SRPK2: variants seen among roughly 807,000 people sequenced by gnomAD.
SRPK2 encodes the protein SRSF protein kinase 2.
SRPK2 carries 21 observed loss-of-function variants against 90.8 expected under a neutral mutation model. The ratio of observed to expected loss-of-function variants is 0.23; its 90% CI spans 0.16 to 0.33. The LOEUF is 0.33. Ranked by LOEUF, SRPK2 falls within the 10% of genes least tolerant of loss-of-function variation. The probability of loss-of-function intolerance (pLI) is 1.00; values close to 1 mark genes in which losing one functional copy is unlikely to be tolerated. For synonymous variants in SRPK2, 288 were observed against 311.1 expected (o/e 0.93, Z 0.78); for missense variants, 620 against 869.0 (o/e 0.71, Z 3.60).
At chr7:105,320,552 T>C (rs1259238434) in intron 2 of SRPK2, among the ~76,000 whole-genome samples, 1 of 152,176 alleles carries the variant, frequency 6.6e-6, no homozygotes, top group African/African-American at 2.4e-5. Context: ...TAAATACATC[T>C]TGTAAGGCGA....
At chr7:105,381,487 A>C (rs1820948209) in intron 2 of SRPK2, among the ~76,000 whole-genome samples, 1 of 152,028 alleles carries the variant, frequency 6.6e-6, no homozygotes, top group Non-Finnish European at 1.5e-5. Flanking sequence ...AAACAAAACA[A>C]AACAAAAACA....
chr7:105,342,306 A>C (rs547399190), intron 2 of SRPK2, among the ~76,000 whole-genome samples: 27 of 151,402 alleles, frequency 1.8e-4, no homozygotes, highest in Non-Finnish European at 3.7e-4. Flanking sequence ...CCTGGGCGAC[A>C]AGAGCAAAAC....
intron 3 of SRPK2, among the ~76,000 whole-genome samples, chr7:105,178,806 C>A (rs1299741432): frequency 6.6e-6 from 1 of 151,816 alleles, no homozygotes; most frequent in African/African-American, 2.4e-5. Flanking sequence ...AAGGCCCTCT[C>A]TCAAAACAAA....
At chr7:105,142,607 A>G in intron 10 of SRPK2, 117 bp from the exon 11 acceptor site, 1 of 1,381,970 alleles carries the variant, frequency 7.2e-7, no homozygotes, top group Non-Finnish European at 9.6e-7. Context: ...CCACCTGGTA[A>G]ACACCTCTTG....
intron 7 of SRPK2, among the ~76,000 whole-genome samples, chr7:105,148,574 A>T (rs1233621515): frequency 6.6e-6 from 1 of 152,244 alleles, no homozygotes; most frequent in Non-Finnish European, 1.5e-5. Context: ...GACCATTCAA[A>T]CAATGAATTG....
chr7:105,116,735 T>C lies in SRPK2; in HGVS notation c.*1103A>G, dbSNP rs1164909677. 6.6e-6 allele frequency: 1 copy of C among 152,572 alleles called. No individual in the cohort carries two copies. Among genetic ancestry groups the C allele is most frequent in the African/African-American group, 2.4e-5 (1 of 41,444 alleles). The allele number at this position is 152,572 out of a possible 1,614,324, so 9.5% of individuals were successfully genotyped here. The stretch of plus-strand genomic sequence containing the variant: ...AAATCATTTTCTCAACTTCGTTTCA[T>C]GGAAAGACAATGAAAAAGCTAGTAA... On this transcript the variant is annotated 3_prime_UTR_variant, in exon 16 of 16. Transcript: ENST00000393651.
intron 2 of SRPK2, among the ~76,000 whole-genome samples, chr7:105,283,391 T>C (rs1233381085): frequency 1.3e-5 from 2 of 152,236 alleles, no homozygotes; most frequent in African/African-American, 4.8e-5. Context: ...TGGGAACTCA[T>C]ATGTCCATCA....
Position 105,168,107 on chromosome 7 carries a change from A to C in SRPK2, c.339-12T>G. 1 of 1,597,764 alleles carries C rather than the reference A, an allele frequency of 6.3e-7. No homozygotes were observed. The highest frequency in any genetic ancestry group is 8.6e-7 in the Non-Finnish European group (1 of 1,169,330). On this transcript the variant is annotated splice_polypyrimidine_tract_variant and intron_variant, in intron 4 of 15. Coordinates refer to ENST00000393651, the MANE Select transcript of SRPK2 (RefSeq NM_182692.3). Reference sequence around the variant, plus strand: ...CAAATCTTTTCCCCCTAAAAGAAAAAACAAAAAAAGAGTCTATTTATCTAT... The same window carrying C: ...CAAATCTTTTCCCCCTAAAAGAAAACACAAAAAAAGAGTCTATTTATCTAT...
At chr7:105,140,904 T>C (rs1370743135) in intron 11 of SRPK2, among the ~76,000 whole-genome samples, 2 of 151,784 alleles carry the variant, frequency 1.3e-5, no homozygotes, top group Non-Finnish European at 2.9e-5. Context: ...GAGGTTGCAG[T>C]GAGCCGAGAT....
intron 7 of SRPK2, among the ~76,000 whole-genome samples, chr7:105,152,903 G>T (rs1048997354): frequency 2.0e-5 from 3 of 152,082 alleles, no homozygotes; most frequent in African/African-American, 7.2e-5. Context: ...GTGTGGTGGT[G>T]CATGCCTGTA....
chr7:105,344,951 C>G (rs186363325), intron 2 of SRPK2, among the ~76,000 whole-genome samples: 1 of 151,798 alleles, frequency 6.6e-6, no homozygotes, highest in African/African-American at 2.4e-5. Context: ...GCCTGGCCAA[C>G]ATGGTGAAAC....
rs550997501 is a variant in SRPK2, at chr7:105,172,781, A to G, written c.230-3516T>C. Among the ~76,000 whole-genome samples the G allele has an allele frequency of 1.4e-4, 21 of 152,320 alleles. 1 individual carries two copies. The South Asian group carries it at 4.4e-3, about 32-fold the overall frequency. On this transcript the variant is annotated intron_variant, in intron 3 of 15. Coordinates refer to ENST00000393651, the MANE Select transcript of SRPK2 (RefSeq NM_182692.3). ...GCTTCCTGGTCTTAGTACACAGAAA[A>G]CATGGGATGTCTTAATTAAAATCTA...
rs773439211 is a variant in SRPK2, at chr7:105,160,638, G to A, written c.515-25C>T. ...TCTGGGACACAGTTAAGGATCGTTT[G>A]TGGATGCACTGCCTGGAGTGAGGCA... On this transcript the variant is annotated intron_variant, in intron 6 of 15. Transcript: ENST00000393651. 9 of 1,412,118 alleles carry A rather than the reference G, an allele frequency of 6.4e-6. No homozygotes were observed. The Admixed American group carries it at 1.0e-4, about 16-fold the overall frequency. 87.5% of individuals were successfully genotyped at this position (1,412,118 alleles called of 1,614,324 possible). A position where few individuals can be genotyped will look rare whatever the true frequency, so the allele number is the denominator to read the frequency against.
chr7:105,182,781 T>C (rs1793054322), intron 3 of SRPK2, among the ~76,000 whole-genome samples: 1 of 152,194 alleles, frequency 6.6e-6, no homozygotes, highest in African/African-American at 2.4e-5. Flanking sequence ...TTTGACTTTG[T>C]TACTTGTAAG....
intron 2 of SRPK2, among the ~76,000 whole-genome samples, chr7:105,325,486 C>CAAAAA (rs33959633): frequency 2.3e-5 from 2 of 86,088 alleles, no homozygotes; most frequent in African/African-American, 4.8e-5. Context: ...ACCAAGTCTT[C>CAAAAA]AAAAAAAAAA....
In SRPK2 at chr7:105,244,499, G is replaced by A. The variant is rs144810158; in HGVS notation, c.72-40714C>T. On this transcript the variant is annotated intron_variant, in intron 2 of 15. Transcript: ENST00000393651. ...TGAGGCGGGAGAATCGCTTGAACCC[G>A]GGAGGCGGAGCTTGCAGTGAGCTAA... Among the ~76,000 whole-genome samples the A allele has an allele frequency of 1.1e-4, 16 of 152,336 alleles. No individual in the cohort carries two copies. The East Asian group carries it at 2.7e-3, about 26-fold the overall frequency.
intron 2 of SRPK2, among the ~76,000 whole-genome samples, chr7:105,228,970 T>G (rs1484597408): frequency 6.6e-6 from 1 of 152,104 alleles, no homozygotes; most frequent in African/African-American, 2.4e-5. Context: ...CTGCTCACAA[T>G]AGTAGTGGTC....
intron 2 of SRPK2, among the ~76,000 whole-genome samples, chr7:105,313,718 T>C (rs920153452): frequency 6.6e-6 from 1 of 152,014 alleles, no homozygotes; most frequent in African/African-American, 2.4e-5. Flanking sequence ...ACCACTGCAC[T>C]CCAGCCTGGA....
In SRPK2 at chr7:105,167,758, C is replaced by T. The variant is rs369277901; in HGVS notation, c.426+250G>A. Reference sequence around the variant, plus strand: ...CCCAAGGAGCTGAGATTACAGGTGCCCACCACCATGCCTGGCTATTTTTTA... The same window carrying T: ...CCCAAGGAGCTGAGATTACAGGTGCTCACCACCATGCCTGGCTATTTTTTA... On this transcript the variant is annotated intron_variant, in intron 5 of 15. Coordinates refer to ENST00000393651, the MANE Select transcript of SRPK2 (RefSeq NM_182692.3). Among the ~76,000 whole-genome samples the T allele has an allele frequency of 4.6e-5, 7 of 152,054 alleles. No homozygotes were observed. Among genetic ancestry groups the T allele is most frequent in the Admixed American group, 2.0e-4 (3 of 15,272 alleles).
Sources: allele counts gnomAD v4.1 joint callset (sites outside exome capture counted in the v4.1 genomes callset), GRCh38; gene constraint gnomAD v4.1.1; transcripts MANE v1.5; gene names NCBI Gene and HGNC (gene_info 2026-07-23, HGNC 2026-07-21).